SMCO2: variants seen among roughly 807,000 people sequenced by gnomAD.
SMCO2 encodes the protein single-pass membrane protein with coiled-coil domains 2, also known as single-pass membrane and coiled-coil domain-containing protein 2.
SMCO2 carries 25 observed loss-of-function variants against 29.5 expected under a neutral mutation model. The ratio of observed to expected loss-of-function variants is 0.85; its 90% CI spans 0.62 to 1.18. The LOEUF is 1.18. Ranked by LOEUF, SMCO2 falls within the 50% of genes most tolerant of loss-of-function variation. SMCO2 has a pLI of 0.00. For missense variants in SMCO2, 348 were observed against 344.5 expected, an observed-to-expected ratio of 1.01 and a Z score of -0.08; for synonymous variants, 117 against 123.3, an observed-to-expected ratio of 0.95 and a Z score of 0.34.
chr12:27,455,303 A>G, the SMCO2 span, among the ~76,000 whole-genome samples: 1 of 152,236 alleles, frequency 6.6e-6, no homozygotes, highest in Non-Finnish European at 1.5e-5. Flanking sequence ...GCATATTGGT[A>G]CAAGCTTTCT....
the SMCO2 span, among the ~76,000 whole-genome samples, chr12:27,450,625 T>G: frequency 4.6e-5 from 7 of 152,340 alleles, no homozygotes; most frequent in South Asian, 1.5e-3. Context: ...GAGGGAGCAG[T>G]GCTGCCAATC....
chr12:27,458,939 G>A, the SMCO2 span, among the ~76,000 whole-genome samples: 1 of 147,100 alleles, frequency 6.8e-6, no homozygotes, highest in Admixed American at 6.9e-5. Flanking sequence ...TGTAATCCCA[G>A]CACTTTGGAA....
chr12:27,445,373 T>C, the SMCO2 span, among the ~76,000 whole-genome samples: 1 of 152,246 alleles, frequency 6.6e-6, no homozygotes, highest in African/African-American at 2.4e-5. Flanking sequence ...AGAATAAGTA[T>C]ATTCCATGCA....
At chr12:27,472,875 G>C in exon 3 of SMCO2, 3 of 1,549,212 alleles carry the variant, frequency 1.9e-6, no homozygotes, top group Non-Finnish European at 2.6e-6. Flanking sequence ...TCCTTCACAA[G>C]GTAGACACTG....
chr12:27,452,690 G>A, the SMCO2 span, among the ~76,000 whole-genome samples: 6 of 152,202 alleles, frequency 3.9e-5, no homozygotes, highest in African/African-American at 1.4e-4. Flanking sequence ...ATCTGACTAT[G>A]TTCCTCAGAC....
the SMCO2 span, among the ~76,000 whole-genome samples, chr12:27,447,791 A>C: frequency 2.0e-5 from 3 of 151,686 alleles, no homozygotes; most frequent in African/African-American, 7.3e-5. Flanking sequence ...CAGAACCTAC[A>C]TTTTAACAAG....
chr12:27,438,789 AAAAC>A, the SMCO2 span, among the ~76,000 whole-genome samples: 1 of 129,140 alleles, frequency 7.7e-6, no homozygotes, highest in African/African-American at 3.0e-5. Context: ...CCCCCACAAA[AAAAC>A]AAACAAACAA....
At chr12:27,483,410 A>T (rs1949661927) in intron 4 of SMCO2, among the ~76,000 whole-genome samples, 1 of 151,624 alleles carries the variant, frequency 6.6e-6, no homozygotes, top group Non-Finnish European at 1.5e-5. Context: ...TGATTTCTTT[A>T]TCCTTCTCTT....
chr12:27,502,049 C>T, exon 8 of SMCO2: 2 of 1,548,170 alleles, frequency 1.3e-6, no homozygotes, highest in East Asian at 4.9e-5. Flanking sequence ...TTGGGTGCCG[C>T]ACCACATGGG....
At chr12:27,484,871 A>AATATAT (rs775572569) in intron 4 of SMCO2, among the ~76,000 whole-genome samples, 19 of 77,222 alleles carry the variant, frequency 2.5e-4, no homozygotes, top group African/African-American at 5.4e-4. Context: ...AAAAAAAAAA[A>AATATAT]ATATATATAT....
chr12:27,463,093 G>A (rs1310077621), upstream of SMCO2, among the ~76,000 whole-genome samples: 4 of 152,204 alleles, frequency 2.6e-5, no homozygotes, highest in Non-Finnish European at 4.4e-5. Flanking sequence ...GCAGCACCAA[G>A]AGGTTACATC....
intron 3 of SMCO2, among the ~76,000 whole-genome samples, chr12:27,473,425 T>C (rs1038123406): frequency 2.0e-5 from 3 of 152,202 alleles, no homozygotes; most frequent in Non-Finnish European, 2.9e-5. Context: ...ATGTTTGTCA[T>C]TGGATTTAGG....
chr12:27,484,371 T>C (rs1949669893), intron 4 of SMCO2, among the ~76,000 whole-genome samples: 2 of 151,866 alleles, frequency 1.3e-5, no homozygotes. Context: ...AGTGCAAGAC[T>C]CTCAAAAACA....
In SMCO2 at chr12:27,469,263, GA is replaced by G. The variant is rs757180591; in HGVS notation, c.-10-1356del. Reference sequence around the variant, plus strand: ...GCAGGCAATAGTGACCTTCCTGAGGGAAATCAAAGGTTTATTTTTTGCCACA... The same window carrying G: ...GCAGGCAATAGTGACCTTCCTGAGGGAATCAAAGGTTTATTTTTTGCCACA... On this transcript the variant is annotated intron_variant, in intron 1 of 7. Coordinates refer to ENST00000298876, the Ensembl canonical transcript of SMCO2. Among the ~76,000 whole-genome samples the G allele has an allele frequency of 2.6e-5, 4 of 152,254 alleles. No homozygotes were observed. In the East Asian group the frequency reaches 7.7e-4, roughly 29 times the overall value.
intron 5 of SMCO2, chr12:27,493,713 C>T (rs1942961087): frequency 6.6e-6 from 1 of 152,066 alleles, no homozygotes; most frequent in Admixed American, 6.6e-5. Flanking sequence ...TTGGCATTCA[C>T]GTGTTAGAAG....
At chr12:27,469,792 T>G (rs955466106) in intron 1 of SMCO2, among the ~76,000 whole-genome samples, 2 of 152,214 alleles carry the variant, frequency 1.3e-5, no homozygotes, top group Non-Finnish European at 2.9e-5. Flanking sequence ...TCCTGTTTCC[T>G]TTCCGTTATT....
chr12:27,485,155 G>A (rs887303673), intron 4 of SMCO2, among the ~76,000 whole-genome samples: 3 of 149,892 alleles, frequency 2.0e-5, no homozygotes, highest in Non-Finnish European at 3.0e-5. Context: ...TTTTCTTTCT[G>A]TGTTTCATTT....
chr12:27,466,321 A>G (rs1199549877), upstream of SMCO2, among the ~76,000 whole-genome samples: 7 of 152,198 alleles, frequency 4.6e-5, no homozygotes, highest in East Asian at 1.3e-3. Flanking sequence ...CTGAGGCAGG[A>G]GAATCACTTG....
the SMCO2 span, among the ~76,000 whole-genome samples, chr12:27,426,615 CTACAG>C: frequency 6.5e-4 from 99 of 152,198 alleles, no homozygotes; most frequent in African/African-American, 2.2e-3. Context: ...TTTATAAGCT[CTACAG>C]TATGATAATA....
Sources: gnomAD v4.1 joint callset for allele counts (sites outside exome capture counted in the v4.1 genomes callset) on GRCh38, gnomAD v4.1.1 for gene constraint, MANE v1.5 for transcripts, NCBI Gene and HGNC (gene_info 2026-07-23, HGNC 2026-07-21) for gene names.